Variants in PDPR observed in about 807,000 individuals in gnomAD.
The protein encoded by PDPR is pyruvate dehydrogenase phosphatase regulatory subunit, mitochondrial.
In PDPR, 50 loss-of-function variants were observed where a neutral mutation model predicts 102.2. The observed-to-expected ratio is 0.49, with a 90% CI of 0.39 to 0.62. The LOEUF (loss-of-function observed/expected upper bound fraction) is 0.62, where lower values mean the gene tolerates loss of function less well. Among genes scored for constraint, PDPR ranks in the 20% least tolerant of loss-of-function variants. PDPR has a pLI of 0.00. For missense variants in PDPR, 625 were observed against 1,098.2 expected, an observed-to-expected ratio of 0.57 and a Z score of 6.09; for synonymous variants, 259 against 406.0, an observed-to-expected ratio of 0.64 and a Z score of 4.35.
chr16:70,119,148 TGATA>T (rs1165250415), intron 2 of PDPR, among the ~76,000 whole-genome samples: 2 of 152,096 alleles, frequency 1.3e-5, no homozygotes, highest in African/African-American at 4.8e-5. Flanking sequence ...TCTGTTTTGC[TGATA>T]GATTAAGTTT....
chr16:70,125,577 A>AG (rs1388130562), intron 3 of PDPR, among the ~76,000 whole-genome samples: 203 of 45,750 alleles, frequency 4.4e-3, no homozygotes, highest in Non-Finnish European at 5.6e-3. Context: ...AAAAAAAAGT[A>AG]TATATATATA....
chr16:70,156,746 A>G lies in PDPR; in HGVS notation c.2507A>G (p.Asn836Ser), dbSNP rs773533686. 6.8e-6 allele frequency: 11 copies of G among 1,613,992 alleles called. No individual in the cohort carries two copies. The highest frequency in any genetic ancestry group is 9.3e-6 in the Non-Finnish European group (11 of 1,179,918). ...EEQVVTADFINRGEYEIDIAG... is the reference protein window; with the variant it reads ...EEQVVTADFISRGEYEIDIAG... Reference sequence around the variant, plus strand: ...CAAGTGGTGACAGCAGATTTCATCAACCGGGGAGAGTATGAGATTGACATC... The same window carrying G: ...CAAGTGGTGACAGCAGATTTCATCAGCCGGGGAGAGTATGAGATTGACATC... Residue 836 changes from asparagine to serine, a missense_variant, in exon 19 of 19, where the codon AAC becomes AGC. Coordinates refer to ENST00000288050, the MANE Select transcript of PDPR (RefSeq NM_017990.5).
intron 2 of PDPR, among the ~76,000 whole-genome samples, chr16:70,118,699 G>A (rs1416392262): frequency 3.9e-5 from 6 of 152,148 alleles, no homozygotes; most frequent in South Asian, 4.1e-4. Context: ...CTTGGGCCAC[G>A]GGAAATAAAT....
At position 70,156,592 on chromosome 16, in the gene PDPR, T is replaced by G. The variant is rs1338770129; in HGVS notation, c.2353T>G (p.Trp785Gly). 6.2e-7 allele frequency: 1 copy of G among 1,613,946 alleles called. No individual in the cohort carries two copies. The highest frequency in any genetic ancestry group is 2.2e-5 in the East Asian group (1 of 44,900). Residue 785 changes from tryptophan (W) to glycine (G), a missense_variant, in exon 19 of 19, where the codon TGG (tryptophan) becomes GGG (glycine). This residue lies in a region of PDPR where 303 missense variants were observed against 258.9 expected (regional missense o/e 1.17). Transcript: ENST00000288050. Reference protein sequence around the residue: ...HDSDLDLWPWWGEPIYRNGQY... With the variant: ...HDSDLDLWPWGGEPIYRNGQY... ...TTCAGACCTAGACCTTTGGCCTTGG[T>G]GGGGAGAGCCCATTTACCGGAATGG...
intron 11 of PDPR, among the ~76,000 whole-genome samples, chr16:70,140,161 C>T (rs1462549571): frequency 6.6e-6 from 1 of 152,184 alleles, no homozygotes; most frequent in Non-Finnish European, 1.5e-5. Flanking sequence ...CGTAGCGAAA[C>T]CCTGTCTCTA....
Position 70,161,566 on chromosome 16 carries a change from C to G in PDPR, c.*4687C>G, listed in dbSNP as rs1319065052. On this transcript the variant is annotated 3_prime_UTR_variant, in exon 19 of 19. Coordinates refer to ENST00000288050, the MANE Select transcript of PDPR (RefSeq NM_017990.5). ...GCAATAAGTGGTGAGCCATGGGTCT[C>G]TCCGTCAGCGCCTCCCTCCCCGCCA... 1 of 152,862 alleles carries G rather than the reference C, an allele frequency of 6.5e-6. No homozygotes were observed. The highest frequency in any genetic ancestry group is 6.5e-5 in the Admixed American group (1 of 15,288). 9.5% of individuals were successfully genotyped at this position (152,862 alleles called of 1,614,324 possible).
intron 2 of PDPR, among the ~76,000 whole-genome samples, chr16:70,116,230 C>T (rs1284205161): frequency 2.1e-5 from 3 of 142,186 alleles, no homozygotes; most frequent in Non-Finnish European, 4.6e-5. Context: ...GTGCAAGCCA[C>T]GACACCTGGC....
rs148760565 is a variant in PDPR, at chr16:70,155,609, C to T, written c.2236-866C>T. On this transcript the variant is annotated intron_variant, in intron 18 of 18. Transcript: ENST00000288050. ...TTCTCCAGGTTGGTCAGGCTGGTCT[C>T]GAACTCCTGACCTCAGGAGATCCCC... 5.6e-4 allele frequency among the ~76,000 whole-genome samples: 86 copies of T among 152,304 alleles called. No individual in the cohort carries two copies. The Middle Eastern group carries it at 0.017, about 30-fold the overall frequency.
chr16:70,120,373 A>G, intron 2 of PDPR, 88 bp from the exon 3 acceptor site: 1 of 723,034 alleles, frequency 1.4e-6, no homozygotes. Context: ...TGCTGAATGA[A>G]TGGCTATCGT....
At chr16:70,151,893 C>T (rs1042468519) in intron 17 of PDPR, among the ~76,000 whole-genome samples, 7 of 152,106 alleles carry the variant, frequency 4.6e-5, no homozygotes, top group African/African-American at 7.2e-5. Flanking sequence ...GTGAGAAAAA[C>T]GAGTAAATGG....
intron 3 of PDPR, among the ~76,000 whole-genome samples, chr16:70,122,358 C>T (rs1963406294): frequency 6.6e-6 from 1 of 152,266 alleles, no homozygotes; most frequent in African/African-American, 2.4e-5. Context: ...ATACAATTTG[C>T]ATACCATGCC....
At chr16:70,147,462 T>C in intron 16 of PDPR, 1 of 374,976 alleles carries the variant, frequency 2.7e-6, no homozygotes, top group South Asian at 2.0e-5. Context: ...CAGAGTAACT[T>C]CTGTGTCTGT....
intron 2 of PDPR, among the ~76,000 whole-genome samples, chr16:70,116,809 T>G (rs1468021191): frequency 1.3e-5 from 2 of 152,140 alleles, no homozygotes; most frequent in African/African-American, 4.8e-5. Context: ...CCCAAAGTGC[T>G]GAGATAACAG....
At chr16:70,119,901 GTT>G (rs111650841) in intron 2 of PDPR, among the ~76,000 whole-genome samples, 1 of 134,876 alleles carries the variant, frequency 7.4e-6, no homozygotes, top group Admixed American at 6.8e-5. Context: ...TTCTTTTTTT[GTT>G]TTTTTTTTGT....
In PDPR at chr16:70,158,102, C is replaced by G. The variant is rs1455763556; in HGVS notation, c.*1223C>G. 4 of 153,182 alleles carry G rather than the reference C, an allele frequency of 2.6e-5. No individual in the cohort carries two copies. Among genetic ancestry groups the G allele is most frequent in the Non-Finnish European group, 5.8e-5 (4 of 68,640 alleles). 9.5% of individuals were successfully genotyped at this position (153,182 alleles called of 1,614,324 possible). A position where few individuals can be genotyped will look rare whatever the true frequency, so the allele number is the denominator to read the frequency against. ...GCTTTTCCTCCTTTCCCCCCAGGCT[C>G]TTTGTTTCCCTCCACCCACCCTTCC... On this transcript the variant is annotated 3_prime_UTR_variant, in exon 19 of 19. Coordinates refer to ENST00000288050, the MANE Select transcript of PDPR (RefSeq NM_017990.5).
chr16:70,153,898 G>C lies in PDPR; in HGVS notation c.2235+325G>C, dbSNP rs369598594. On this transcript the variant is annotated intron_variant, in intron 18 of 18. Coordinates refer to ENST00000288050, the MANE Select transcript of PDPR (RefSeq NM_017990.5). ...GTCTCTACTAAAAATACAAAAAGTA[G>C]GCCGGGCACGGTGGCTCACACCTGT... 1.6e-4 allele frequency among the ~76,000 whole-genome samples: 24 copies of C among 152,326 alleles called. No individual in the cohort carries two copies. In the East Asian group the frequency reaches 3.1e-3, roughly 20 times the overall value.
intron 18 of PDPR, 167 bp from the exon 19 acceptor site, chr16:70,156,307 GT>G (rs1967181144): frequency 1.2e-6 from 1 of 801,208 alleles, no homozygotes; most frequent in African/African-American, 1.8e-5. Context: ...TTCACATGCA[GT>G]TTTTCACATG....
In PDPR at chr16:70,127,381, G is replaced by A. The variant is rs1221898647; in HGVS notation, c.349G>A (p.Gly117Arg). 1.2e-6 allele frequency: 2 copies of A among 1,610,360 alleles called. No individual in the cohort carries two copies. Among genetic ancestry groups the A allele is most frequent in the East Asian group, 2.2e-5 (1 of 44,850 alleles). Residue 117 changes from glycine (G) to arginine (R), a missense_variant, in exon 4 of 19, where the codon GGG becomes AGG. Physicochemically the swap from Gly to Arg is moderately radical, Grantham distance 125 (BLOSUM62 -2). Transcript: ENST00000288050. ...KLYYQLEQET[G>R]IQTGYTRTGS... Reference sequence around the variant, plus strand: ...CTACTATCAGTTAGAGCAAGAAACAGGGATCCAAACAGGTAAGCAAGTGTC... The same window carrying A: ...CTACTATCAGTTAGAGCAAGAAACAAGGATCCAAACAGGTAAGCAAGTGTC...
chr16:70,162,823 A>G (rs1244687550), downstream of PDPR, among the ~76,000 whole-genome samples: 2 of 152,256 alleles, frequency 1.3e-5, no homozygotes, highest in South Asian at 2.1e-4. Flanking sequence ...GCACGTGTGC[A>G]CTCAGGTTTG....
Sources: allele counts gnomAD v4.1 joint callset (sites outside exome capture counted in the v4.1 genomes callset), GRCh38; gene constraint gnomAD v4.1.1; regional missense constraint gnomAD v4.1.1; transcripts MANE v1.5; gene names NCBI Gene and HGNC (gene_info 2026-07-23, HGNC 2026-07-21).